Variants in SAXO2 observed in about 807,000 individuals in gnomAD.
SAXO2 encodes family with sequence similarity 154, member B.
In SAXO2, 17 loss-of-function variants were observed where a neutral mutation model predicts 18.7. The observed-to-expected ratio is 0.91, with a 90% CI of 0.62 to 1.36. The LOEUF (loss-of-function observed/expected upper bound fraction) is 1.36, where lower values mean the gene tolerates loss of function less well. Among genes scored for constraint, SAXO2 ranks in the 40% most tolerant of loss-of-function variants. The pLI is 0.00. For missense variants in SAXO2, 486 were observed against 562.6 expected (o/e 0.86, Z 1.38); for synonymous variants, 163 against 181.2 (o/e 0.90, Z 0.81).
At chr15:82,267,971 T>A (rs1326764637) in intron 2 of SAXO2, among the ~76,000 whole-genome samples, 1 of 152,212 alleles carries the variant, frequency 6.6e-6, no homozygotes, top group Non-Finnish European at 1.5e-5. Context: ...GACTGCTTAA[T>A]GAGGATGACA....
chr15:82,264,179 T>G (rs1199214553), intron 1 of SAXO2, among the ~76,000 whole-genome samples: 1 of 149,526 alleles, frequency 6.7e-6, no homozygotes, highest in Non-Finnish European at 1.5e-5. Flanking sequence ...CAAGCAATTC[T>G]CCTGCCTCAG....
intron 2 of SAXO2, among the ~76,000 whole-genome samples, chr15:82,266,477 GCTCA>G (rs754794202): frequency 6.6e-6 from 1 of 152,154 alleles, no homozygotes; most frequent in Non-Finnish European, 1.5e-5. Context: ...GGCATGGTTT[GCTCA>G]CTATTTACTT....
chr15:82,275,291 A>G (rs1358586466), intron 3 of SAXO2, among the ~76,000 whole-genome samples: 2 of 148,668 alleles, frequency 1.3e-5, no homozygotes, highest in Admixed American at 1.3e-4. Context: ...CAAAAAAAAA[A>G]AAAAAAAAAA....
At chr15:82,265,957 G>A (rs1441394830) in intron 2 of SAXO2, among the ~76,000 whole-genome samples, 1 of 151,294 alleles carries the variant, frequency 6.6e-6, no homozygotes, top group Non-Finnish European at 1.5e-5. Flanking sequence ...AGAAAAAAGG[G>A]ATATAAAAAG....
chr15:82,263,582 C>G, intron 1 of SAXO2: 1 of 600,206 alleles, frequency 1.7e-6, no homozygotes, highest in Admixed American at 2.9e-5. Context: ...TAAATATGAA[C>G]GTTGTCAATC....
intron 3 of SAXO2, among the ~76,000 whole-genome samples, chr15:82,275,539 C>A (rs1226250125): frequency 6.6e-6 from 1 of 152,126 alleles, no homozygotes; most frequent in Non-Finnish European, 1.5e-5. Context: ...AAAATACTAG[C>A]ACACTAAATC....
intron 3 of SAXO2, among the ~76,000 whole-genome samples, chr15:82,275,622 A>T (rs572329615): frequency 6.6e-6 from 1 of 152,234 alleles, no homozygotes; most frequent in African/African-American, 2.4e-5. Context: ...ATGGTCCAAC[A>T]TATGCAAATC....
intron 1 of SAXO2, chr15:82,264,877 T>C (rs1255376543): frequency 1.6e-6 from 1 of 621,672 alleles, no homozygotes; most frequent in East Asian, 2.7e-5. Flanking sequence ...ATAAATGTTG[T>C]GCCTTGACTC....
At chr15:82,276,771 T>A (rs2075318844) in intron 3 of SAXO2, among the ~76,000 whole-genome samples, 1 of 151,970 alleles carries the variant, frequency 6.6e-6, no homozygotes, top group Non-Finnish European at 1.5e-5. Flanking sequence ...TAAAGCAAAT[T>A]AACAATGTTT....
intron 1 of SAXO2, 134 bp downstream of exon 1, chr15:82,263,066 C>T: frequency 4.0e-6 from 6 of 1,509,912 alleles, no homozygotes; most frequent in Non-Finnish European, 5.3e-6. Context: ...GCAGCGACAT[C>T]CCCACTTATC....
chr15:82,277,585 G>T (rs575366625), intron 3 of SAXO2, among the ~76,000 whole-genome samples: 80 of 152,260 alleles, frequency 5.3e-4, no homozygotes, highest in Admixed American at 1.7e-3. Context: ...GAAAGATTAT[G>T]TTGCCAACAT....
In SAXO2 at chr15:82,284,317, T is replaced by C. The variant is rs1328143514; in HGVS notation, c.*1255T>C. 1 of 152,210 alleles carries C rather than the reference T, an allele frequency of 6.6e-6. No homozygotes were observed. The highest frequency in any genetic ancestry group is 1.5e-5 in the Non-Finnish European group (1 of 68,052). The allele number at this position is 152,210 out of a possible 1,614,324, so 9.4% of individuals were successfully genotyped here. A position where few individuals can be genotyped will look rare whatever the true frequency, so the allele number is the denominator to read the frequency against. ...GAGAGGAGTCTTGTCCTTTAAAACT[T>C]CATGAGCACCTGAGAAATTCTTAAC... On this transcript the variant is annotated 3_prime_UTR_variant, in exon 4 of 4. Transcript: ENST00000682753.
chr15:82,282,334 C>T lies in SAXO2; in HGVS notation c.649C>T (p.Pro217Ser), dbSNP rs200316427. ...GITSHRLDYIPHQLELKFERP... is the reference protein window; with the variant it reads ...GITSHRLDYISHQLELKFERP... ...TACAAGTCATCGCCTTGATTATATACCTCATCAGCTTGAACTCAAGTTTGA... is the reference window on the plus strand; with the variant it reads ...TACAAGTCATCGCCTTGATTATATATCTCATCAGCTTGAACTCAAGTTTGA... Residue 217 changes from proline to serine, a missense_variant, in exon 4 of 4, where the codon CCT (proline) becomes TCT (serine). Coordinates refer to ENST00000682753, the MANE Select transcript of SAXO2 (RefSeq NM_001348699.2). The T allele has an allele frequency of 1.9e-6, 3 of 1,614,048 alleles. No individual in the cohort carries two copies. The highest frequency in any genetic ancestry group is 1.6e-4 in the Middle Eastern group (1 of 6,084).
chr15:82,263,021 G>A (rs1277954295), intron 1 of SAXO2, 89 bp downstream of exon 1: 8 of 1,544,968 alleles, frequency 5.2e-6, no homozygotes, highest in Admixed American at 2.0e-5. Flanking sequence ...GGAACCCTGA[G>A]AGTGGCCGTC....
intron 2 of SAXO2, among the ~76,000 whole-genome samples, chr15:82,270,862 C>T (rs2075265087): frequency 6.6e-6 from 1 of 152,148 alleles, no homozygotes; most frequent in Non-Finnish European, 1.5e-5. Context: ...CAAGGTCCTG[C>T]AGCTAGTAAA....
chr15:82,269,638 G>A (rs1038495727), intron 2 of SAXO2, among the ~76,000 whole-genome samples: 3 of 152,150 alleles, frequency 2.0e-5, no homozygotes, highest in Admixed American at 1.3e-4. Context: ...AGGCTAGGGA[G>A]ATGAGGGCAG....
At position 82,282,120 on chromosome 15, in the gene SAXO2, C is replaced by A; in HGVS notation, c.435C>A (p.Asp145Glu). ...TTTTGCTTTGTTTTAATTTTCAAGA[C>A]GATTATAGAGCTTGGGACCTTCATA... ...GKLDTVPTYKDDYRAWDLHKS... is the reference protein window; with the variant it reads ...GKLDTVPTYKEDYRAWDLHKS... The change falls in exon 4 of 4, where the codon GAC (aspartate) becomes GAA (glutamate). Residue 145 changes from aspartate to glutamate, a missense_variant and splice_region_variant. Coordinates refer to ENST00000682753, the MANE Select transcript of SAXO2 (RefSeq NM_001348699.2). 2 of 1,582,494 alleles carry A rather than the reference C, an allele frequency of 1.3e-6. No homozygotes were observed. The highest frequency in any genetic ancestry group is 1.2e-5 in the South Asian group (1 of 85,572).
intron 2 of SAXO2, among the ~76,000 whole-genome samples, chr15:82,269,469 G>T (rs145386055): frequency 6.6e-6 from 1 of 152,168 alleles, no homozygotes; most frequent in Admixed American, 6.5e-5. Context: ...AGGAAACAAC[G>T]GTGAGAGTTG....
intron 3 of SAXO2, among the ~76,000 whole-genome samples, chr15:82,275,302 A>AAAAAAAAAAAG (rs2075305459): frequency 6.7e-6 from 1 of 150,070 alleles, no homozygotes; most frequent in Non-Finnish European, 1.5e-5. Context: ...AAAAAAAAAA[A>AAAAAAAAAAAG]AAAATGCCCC....
Sources: allele counts gnomAD v4.1 joint callset (sites outside exome capture counted in the v4.1 genomes callset), GRCh38; gene constraint gnomAD v4.1.1; transcripts MANE v1.5; gene names NCBI Gene and HGNC (gene_info 2026-07-23, HGNC 2026-07-21).